PDCD2L: variants seen among roughly 807,000 people sequenced by gnomAD.
The protein encoded by PDCD2L is programmed cell death 2 like.
Under a neutral mutation model 40.4 loss-of-function variants are expected in PDCD2L, and 44 were observed. That is an observed-to-expected ratio of 1.09 (90% confidence interval 0.86 to 1.40). The LOEUF is 1.40. PDCD2L is among the 40% of genes most tolerant of loss of function. The pLI, the probability that PDCD2L is intolerant of heterozygous loss-of-function variation, is 0.00. For synonymous variants in PDCD2L, 194 were observed against 174.6 expected, an observed-to-expected ratio of 1.11 and a Z score of -0.88; for missense variants, 470 against 453.7, an observed-to-expected ratio of 1.04 and a Z score of -0.33.
Position 34,404,424 on chromosome 19 carries a change from G to A in PDCD2L, c.-7G>A. ...AGTTTGCGTTTTCACCTGGTCGCCC[G>A]GCGGCCATGGCGGCCGTTCTGAAGC... is the stretch of plus-strand genomic sequence containing the variant. On this transcript the variant is annotated 5_prime_UTR_variant, in exon 1 of 7. Transcript: ENST00000246535. 2 of 1,539,660 alleles carry A rather than the reference G, an allele frequency of 1.3e-6. No individual in the cohort carries two copies. Among genetic ancestry groups the A allele is most frequent in the Non-Finnish European group, 8.7e-7 (1 of 1,143,864 alleles).
intron 6 of PDCD2L, among the ~76,000 whole-genome samples, chr19:34,422,636 A>G (rs1351354878): frequency 6.6e-6 from 1 of 152,194 alleles, no homozygotes; most frequent in Non-Finnish European, 1.5e-5. Context: ...TATGGTAATT[A>G]AAAGTCTTAG....
At position 34,409,333 on chromosome 19, in the gene PDCD2L, C is replaced by A. The variant is rs2075091557; in HGVS notation, c.509C>A (p.Ala170Asp). 1.2e-6 allele frequency: 2 copies of A among 1,614,054 alleles called. No individual in the cohort carries two copies. The highest frequency in any genetic ancestry group is 1.7e-6 in the Non-Finnish European group (2 of 1,180,056). ...CTCCAAGACCTCCGCCTGCAGGATG[C>A]TGTCCTGGGTGCTGCCCATCCTGTG... ...ARLQDLRLQD[A>D]VLGAAHPVPP... is the part of the protein sequence containing the mutation. Residue 170 changes from alanine (A) to aspartate (D), a missense_variant, in exon 4 of 7, where the codon GCT becomes GAT. Ala to Asp is a moderately radical substitution (Grantham distance 126). Transcript: ENST00000246535.
At chr19:34,425,895 TTAC>T in intron 6 of PDCD2L, 92 bp from the exon 7 acceptor site, 1 of 1,315,410 alleles carries the variant, frequency 7.6e-7, no homozygotes, top group Non-Finnish European at 1.0e-6. Context: ...CTTTACCTAA[TTAC>T]TTTTTCAGCT....
chr19:34,425,812 T>G (rs995262355), intron 6 of PDCD2L, among the ~76,000 whole-genome samples, 178 bp from the exon 7 acceptor site: 1 of 152,254 alleles, frequency 6.6e-6, no homozygotes, highest in Non-Finnish European at 1.5e-5. Flanking sequence ...TTTGCTTTTT[T>G]GTTATCAATA....
At chr19:34,422,981 G>T (rs2075159572) in intron 6 of PDCD2L, among the ~76,000 whole-genome samples, 1 of 152,076 alleles carries the variant, frequency 6.6e-6, no homozygotes, top group African/African-American at 2.4e-5. Flanking sequence ...GCCTCCCAAA[G>T]TGCTGGGATT....
intron 4 of PDCD2L, among the ~76,000 whole-genome samples, chr19:34,410,133 C>T (rs935382965): frequency 6.6e-6 from 1 of 152,218 alleles, no homozygotes; most frequent in African/African-American, 2.4e-5. Context: ...CAGGGTCTCA[C>T]TCTGTCACCC....
intron 3 of PDCD2L, among the ~76,000 whole-genome samples, chr19:34,405,197 A>G (rs1323526965): frequency 1.6e-5 from 2 of 122,002 alleles, no homozygotes; most frequent in African/African-American, 3.3e-5. Flanking sequence ...CCCAGGCTGG[A>G]GTGCAATGGC....
chr19:34,407,602 CTT>C (rs371237726), intron 3 of PDCD2L, among the ~76,000 whole-genome samples: 2 of 145,170 alleles, frequency 1.4e-5, no homozygotes, highest in Admixed American at 6.9e-5. Context: ...ACAGAATTTC[CTT>C]TTTTTTTTTA....
rs775765455 is a variant in PDCD2L at position 34,421,605 on chromosome 19, A to G, written c.884A>G (p.Gln295Arg). The part of the protein sequence containing the change: ...ELPACSQCGG[Q>R]RIFEFQLMPA... ...CCAGCCTGCAGCCAGTGTGGAGGCC[A>G]AAGGATATTTGAGTTTCAGCTTATG... The change falls in exon 6 of 7, where the codon CAA (glutamine) becomes CGA (arginine). Residue 295 changes from glutamine (Q) to arginine (R), a missense_variant. By Grantham distance (43) the Gln-to-Arg change is conservative. Coordinates refer to ENST00000246535, the MANE Select transcript of PDCD2L (RefSeq NM_032346.2). The G allele has an allele frequency of 1.1e-5, 17 of 1,614,020 alleles. No individual in the cohort carries two copies. The Admixed American group carries it at 2.8e-4, about 27-fold the overall frequency.
chr19:34,409,193 G>C lies in PDCD2L; in HGVS notation c.369G>C (p.Trp123Cys), dbSNP rs1239104176. The C allele has an allele frequency of 1.9e-6, 3 of 1,613,962 alleles. No individual in the cohort carries two copies. In the East Asian group the frequency reaches 6.7e-5, roughly 36 times the overall value. The change falls in exon 4 of 7, where the codon TGG (tryptophan) becomes TGC (cysteine). Residue 123 changes from tryptophan to cysteine, a missense_variant. Coordinates refer to ENST00000246535, the MANE Select transcript of PDCD2L (RefSeq NM_032346.2). ...GAAACAGCCTTGCAGCTGAGGACTG[G>C]TGTGAAGGTGCTGATGACTGGGGAA... ...KQGNSLAAED[W>C]CEGADDWGSD...
intron 5 of PDCD2L, 139 bp from the exon 6 acceptor site, chr19:34,421,380 C>A: frequency 1.1e-6 from 1 of 915,338 alleles, no homozygotes; most frequent in Non-Finnish European, 1.7e-6. Context: ...TCTTGCTATG[C>A]TTTACAGCCA....
intron 5 of PDCD2L, among the ~76,000 whole-genome samples, chr19:34,415,219 TAA>T (rs1357513778): frequency 6.6e-6 from 1 of 152,024 alleles, no homozygotes; most frequent in Non-Finnish European, 1.5e-5. Context: ...CTCCCAAGTT[TAA>T]GAGTCTCCTG....
At position 34,409,409 on chromosome 19, in the gene PDCD2L, G is replaced by A; in HGVS notation, c.585G>A (p.Glu195=). 6.2e-7 allele frequency: 1 copy of A among 1,614,178 alleles called. No homozygotes were observed. Among genetic ancestry groups the A allele is most frequent in the Non-Finnish European group, 8.5e-7 (1 of 1,180,028 alleles). ...FLPYYICVAD[E]DDYRDFVNLD... ...CCTACTACATCTGTGTTGCAGATGAGGATGATTACAGGGACTTTGTCAACC... is the reference window on the plus strand; with the variant it reads ...CCTACTACATCTGTGTTGCAGATGAAGATGATTACAGGGACTTTGTCAACC... Residue 195 remains glutamate (E), a synonymous_variant, in exon 4 of 7, where the codon GAG becomes GAA. Transcript: ENST00000246535.
In PDCD2L at chr19:34,404,716, T is replaced by A. The variant is rs1212292479; in HGVS notation, c.176T>A (p.Val59Asp). ...CQRCGQPLALVVQVYCPLEGS... is the reference protein window; with the variant it reads ...CQRCGQPLALDVQVYCPLEGS... ...CGCTGCGGGCAGCCGCTCGCTCTGG[T>A]CGTGCAGGTGTATTGCCCGCTGGAA... The change falls in exon 2 of 7, where the codon GTC (valine) becomes GAC (aspartate). Residue 59 changes from valine (V) to aspartate (D), a missense_variant. Physicochemically the swap from Val to Asp is radical, Grantham distance 152. Coordinates refer to ENST00000246535, the MANE Select transcript of PDCD2L (RefSeq NM_032346.2). 2.5e-6 allele frequency: 4 copies of A among 1,612,254 alleles called. No homozygotes were observed. Among genetic ancestry groups the A allele is most frequent in the Non-Finnish European group, 3.4e-6 (4 of 1,179,832 alleles).
Position 34,409,512 on chromosome 19 carries a change from T to C in PDCD2L, c.686+2T>C. On this transcript the variant is annotated splice_donor_variant, in intron 4 of 6. Coordinates refer to ENST00000246535, the MANE Select transcript of PDCD2L (RefSeq NM_032346.2). LOFTEE classifies it high-confidence loss of function. The stretch of plus-strand genomic sequence containing the variant: ...CATGGATCAGTTGCTTTCCCAAAGG[T>C]GAGGATGTGTGCTGCTGAGGTTGAG... 6.2e-7 allele frequency: 1 copy of C among 1,611,314 alleles called. No individual in the cohort carries two copies. Among genetic ancestry groups the C allele is most frequent in the Non-Finnish European group, 8.5e-7 (1 of 1,178,338 alleles).
chr19:34,422,348 G>T (rs2075155985), intron 6 of PDCD2L: 1 of 151,580 alleles, frequency 6.6e-6, no homozygotes, highest in African/African-American at 2.4e-5. Flanking sequence ...GGGTTTCACT[G>T]TGTTGGCCAG....
In PDCD2L at chr19:34,421,576, G is replaced by T. The variant is rs747900588; in HGVS notation, c.855G>T (p.Glu285Asp). 2 of 1,613,972 alleles carry T rather than the reference G, an allele frequency of 1.2e-6. No individual in the cohort carries two copies. Among genetic ancestry groups the T allele is most frequent in the African/African-American group, 2.7e-5 (2 of 74,888 alleles). Reference sequence around the variant, plus strand: ...CCTGCCCTACATCAGAAGTCACCGAGCTCCCAGCCTGCAGCCAGTGTGGAG... The same window carrying T: ...CCTGCCCTACATCAGAAGTCACCGATCTCCCAGCCTGCAGCCAGTGTGGAG... Reference protein sequence around the residue: ...FLTCPTSEVTELPACSQCGGQ... With the variant: ...FLTCPTSEVTDLPACSQCGGQ... Residue 285 changes from glutamate to aspartate, a missense_variant, in exon 6 of 7, where the codon GAG becomes GAT. Glu to Asp is a conservative substitution (Grantham distance 45). Coordinates refer to ENST00000246535, the MANE Select transcript of PDCD2L (RefSeq NM_032346.2).
chr19:34,424,859 C>T (rs2075168977), intron 6 of PDCD2L, among the ~76,000 whole-genome samples: 1 of 151,260 alleles, frequency 6.6e-6, no homozygotes, highest in South Asian at 2.1e-4. Flanking sequence ...ATTCTCCTGC[C>T]TCAGCCTCCC....
chr19:34,412,797 G>C (rs1215969907), intron 4 of PDCD2L, among the ~76,000 whole-genome samples: 1 of 150,322 alleles, frequency 6.7e-6, no homozygotes, highest in African/African-American at 2.5e-5. Flanking sequence ...TTTGAGACAG[G>C]GTCTCACACT....
Sources: allele counts gnomAD v4.1 joint callset (sites outside exome capture counted in the v4.1 genomes callset), GRCh38; gene constraint gnomAD v4.1.1; transcripts MANE v1.5; gene names NCBI Gene and HGNC (gene_info 2026-07-23, HGNC 2026-07-21).